PFDN4: variants seen among roughly 807,000 people sequenced by gnomAD.
PFDN4 encodes prefoldin 4.
PFDN4 carries 6 observed loss-of-function variants against 17.6 expected under a neutral mutation model. The ratio of observed to expected loss-of-function variants is 0.34; its 90% CI spans 0.19 to 0.67. PFDN4 has a LOEUF of 0.67. Among genes scored for constraint, PFDN4 ranks in the 30% least tolerant of loss-of-function variants. The probability of loss-of-function intolerance (pLI) is 0.68; values close to 1 mark genes in which losing one functional copy is unlikely to be tolerated. For missense variants in PFDN4, 119 were observed against 158.4 expected, an observed-to-expected ratio of 0.75 and a Z score of 1.33; for synonymous variants, 48 against 51.1, an observed-to-expected ratio of 0.94 and a Z score of 0.26.
chr20:54,211,733 G>A (rs887171728), intron 1 of PFDN4, among the ~76,000 whole-genome samples: 7 of 152,190 alleles, frequency 4.6e-5, no homozygotes, highest in African/African-American at 1.7e-4. Flanking sequence ...TTCCCTGAAG[G>A]CAGGAGTTCC....
At position 54,219,014 on chromosome 20, in the gene PFDN4, T is replaced by C. The variant is rs1015586556; in HGVS notation, c.274-5T>C. 2.7e-6 allele frequency: 4 copies of C among 1,473,100 alleles called. No individual in the cohort carries two copies. The highest frequency in any genetic ancestry group is 2.9e-5 in the African/African-American group (2 of 70,158). 91.3% of individuals were successfully genotyped at this position (1,473,100 alleles called of 1,614,324 possible). A position where few individuals can be genotyped will look rare whatever the true frequency, so the allele number is the denominator to read the frequency against. On this transcript the variant is annotated splice_polypyrimidine_tract_variant and splice_region_variant and intron_variant, in intron 3 of 3. Coordinates refer to ENST00000371419, the MANE Select transcript of PFDN4 (RefSeq NM_002623.4). ...TAGAATTAATTTAAAATATTTTTTT[T>C]CCAGAAAAATTTGCAAGAAGAAATT...
intron 1 of PFDN4, 148 bp downstream of exon 1, chr20:54,208,272 C>G (rs1341178587): frequency 1.5e-6 from 1 of 667,004 alleles, no homozygotes; most frequent in Non-Finnish European, 2.3e-6. Context: ...GGTCCCGCGG[C>G]AAGGCCTGCT....
At chr20:54,208,186 C>T (rs1402975305) in intron 1 of PFDN4, 62 bp downstream of exon 1, 1 of 1,449,598 alleles carries the variant, frequency 6.9e-7, no homozygotes, top group Non-Finnish European at 9.2e-7. Context: ...CGCTGGGGCC[C>T]GGGCGCGGGA....
At chr20:54,215,169 C>T (rs1183325951) in intron 2 of PFDN4, 131 bp from the exon 3 acceptor site, 3 of 594,654 alleles carry the variant, frequency 5.0e-6, no homozygotes, top group East Asian at 2.7e-5. Flanking sequence ...AAATTAAGGT[C>T]TTATTCTAAT....
chr20:54,219,294 A>G lies in PFDN4; in HGVS notation c.*144A>G, dbSNP rs898512525. 12 of 527,038 alleles carry G rather than the reference A, an allele frequency of 2.3e-5. No individual in the cohort carries two copies. The highest frequency in any genetic ancestry group is 3.3e-5 in the Non-Finnish European group (10 of 301,748). The allele number at this position is 527,038 out of a possible 1,614,324, so 32.6% of individuals were successfully genotyped here. ...TTAATGGAAACTTGCCCATTTTCAC[A>G]TGTCTGCTTATTTATTTTATATTTT... On this transcript the variant is annotated 3_prime_UTR_variant, in exon 4 of 4. Coordinates refer to ENST00000371419, the MANE Select transcript of PFDN4 (RefSeq NM_002623.4).
intron 3 of PFDN4, among the ~76,000 whole-genome samples, chr20:54,217,466 A>G (rs2092764138): frequency 6.6e-6 from 1 of 152,176 alleles, no homozygotes; most frequent in Non-Finnish European, 1.5e-5. Flanking sequence ...TTGTCTTAGC[A>G]GGGGTCAGCA....
At chr20:54,217,689 AAG>A (rs1226296892) in intron 3 of PFDN4, among the ~76,000 whole-genome samples, 1 of 152,184 alleles carries the variant, frequency 6.6e-6, no homozygotes, top group East Asian at 1.9e-4. Context: ...ATTTTTGGAA[AAG>A]AGAGAGATGA....
intron 1 of PFDN4, among the ~76,000 whole-genome samples, chr20:54,209,757 T>G (rs1481776217): frequency 6.6e-6 from 1 of 152,220 alleles, no homozygotes; most frequent in South Asian, 2.1e-4. Flanking sequence ...AAATTTCTAA[T>G]TACCAACTTT....
intron 3 of PFDN4, among the ~76,000 whole-genome samples, 192 bp downstream of exon 3, chr20:54,215,632 A>T (rs1389657386): frequency 1.3e-5 from 2 of 152,254 alleles, no homozygotes; most frequent in South Asian, 2.1e-4. Context: ...CAATTTAGGG[A>T]CAAAGAATAG....
intron 1 of PFDN4, among the ~76,000 whole-genome samples, chr20:54,209,371 A>G (rs2092752724): frequency 6.6e-6 from 1 of 152,200 alleles, no homozygotes; most frequent in African/African-American, 2.4e-5. Flanking sequence ...AGTCTATGCC[A>G]TCTGTGCCTG....
chr20:54,208,421 C>T, intron 1 of PFDN4: 1 of 391,278 alleles, frequency 2.6e-6, no homozygotes, highest in South Asian at 6.0e-5. Context: ...GAGGAACCTG[C>T]AGCCCCGGCC....
At chr20:54,215,536 A>G (rs2092761462) in intron 3 of PFDN4, 96 bp downstream of exon 3, 4 of 763,090 alleles carry the variant, frequency 5.2e-6, no homozygotes, top group Non-Finnish European at 8.2e-6. Flanking sequence ...GCTATAGCTA[A>G]TATTTACTGC....
At chr20:54,215,769 C>T (rs2146542232) in intron 3 of PFDN4, among the ~76,000 whole-genome samples, 1 of 152,332 alleles carries the variant, frequency 6.6e-6, no homozygotes, top group South Asian at 2.1e-4. Context: ...AAAGAAAAAT[C>T]CCCTGTAATT....
At chr20:54,217,503 A>C (rs1055993251) in intron 3 of PFDN4, among the ~76,000 whole-genome samples, 4 of 152,192 alleles carry the variant, frequency 2.6e-5, no homozygotes, top group African/African-American at 4.8e-5. Context: ...CCAGAAGTAA[A>C]TACGTTAGGT....
rs775302851 is a variant in PFDN4, at chr20:54,219,513, T to G, written c.*363T>G. 3.9e-5 allele frequency: 15 copies of G among 389,392 alleles called. No homozygotes were observed. Among genetic ancestry groups the G allele is most frequent in the African/African-American group, 8.3e-5 (4 of 48,476 alleles). The allele number at this position is 389,392 out of a possible 1,614,324, so 24.1% of individuals were successfully genotyped here. On this transcript the variant is annotated 3_prime_UTR_variant, in exon 4 of 4. Transcript: ENST00000371419. ...TGTTTCTGTCTGATTTTAATTGCTG[T>G]CTAATGACGGGGAAAGCACGATGAA...
intron 1 of PFDN4, among the ~76,000 whole-genome samples, chr20:54,210,485 T>G (rs988789488): frequency 2.0e-5 from 3 of 152,224 alleles, no homozygotes; most frequent in Non-Finnish European, 4.4e-5. Flanking sequence ...ACTTTACGTT[T>G]GTAACACATC....
In PFDN4 at chr20:54,218,938, T is replaced by C. The variant is rs1481806915; in HGVS notation, c.274-81T>C. On this transcript the variant is annotated intron_variant, in intron 3 of 3. Transcript: ENST00000371419. The stretch of plus-strand genomic sequence containing the variant: ...GTTTAGAAGGTTCTTGACCTAAAAT[T>C]CTTCCCAAATATTATTTCAGACACA... 3.2e-6 allele frequency: 3 copies of C among 930,114 alleles called. No homozygotes were observed. The East Asian group carries it at 8.7e-5, about 27-fold the overall frequency. 57.6% of individuals were successfully genotyped at this position (930,114 alleles called of 1,614,324 possible).
chr20:54,219,201 A>G lies in PFDN4; in HGVS notation c.*51A>G. On this transcript the variant is annotated 3_prime_UTR_variant, in exon 4 of 4. Coordinates refer to ENST00000371419, the MANE Select transcript of PFDN4 (RefSeq NM_002623.4). ...GTTTAATAAACTTGAATATTGTTTAAAATGATAATTTTCCTTCTTCAAATG... is the reference window on the plus strand; with the variant it reads ...GTTTAATAAACTTGAATATTGTTTAGAATGATAATTTTCCTTCTTCAAATG... 8.9e-7 allele frequency: 1 copy of G among 1,123,364 alleles called. No individual in the cohort carries two copies. The highest frequency in any genetic ancestry group is 1.2e-6 in the Non-Finnish European group (1 of 817,088). The allele number at this position is 1,123,364 out of a possible 1,614,324, so 69.6% of individuals were successfully genotyped here. A position where few individuals can be genotyped will look rare whatever the true frequency, so the allele number is the denominator to read the frequency against.
chr20:54,210,390 CAT>C (rs540766544), intron 1 of PFDN4, among the ~76,000 whole-genome samples: 12 of 152,328 alleles, frequency 7.9e-5, no homozygotes, highest in East Asian at 7.7e-4. Flanking sequence ...TAGGAGAAAA[CAT>C]ATGTGTATGC....
Sources: gnomAD v4.1 joint callset for allele counts (sites outside exome capture counted in the v4.1 genomes callset) on GRCh38, gnomAD v4.1.1 for gene constraint, MANE v1.5 for transcripts, NCBI Gene and HGNC (gene_info 2026-07-23, HGNC 2026-07-21) for gene names.